Variants in EVL observed in about 807,000 individuals in gnomAD.
The protein encoded by EVL is Enah/Vasp-like.
EVL carries 21 observed loss-of-function variants against 59.6 expected under a neutral mutation model. The observed-to-expected ratio is 0.35, with a 90% CI of 0.25 to 0.51. The LOEUF (loss-of-function observed/expected upper bound fraction) is 0.51. Ranked by LOEUF, EVL falls within the 20% of genes least tolerant of loss-of-function variation. The pLI, the probability that EVL is intolerant of heterozygous loss-of-function variation, is 0.97. For synonymous variants in EVL, 198 were observed against 203.5 expected (o/e 0.97, Z 0.23); for missense variants, 462 against 546.6 (o/e 0.85, Z 1.54).
At chr14:100,096,777 A>G (rs928135279) in intron 2 of EVL, among the ~76,000 whole-genome samples, 4 of 152,204 alleles carry the variant, frequency 2.6e-5, no homozygotes, top group African/African-American at 9.7e-5. Flanking sequence ...GCAGCTTGTA[A>G]GCACCTGAAT....
At chr14:100,024,711 G>A (rs1233399678) in intron 1 of EVL, among the ~76,000 whole-genome samples, 2 of 152,014 alleles carry the variant, frequency 1.3e-5, no homozygotes, top group Non-Finnish European at 2.9e-5. Flanking sequence ...TGAAAACACA[G>A]TCCACATCAG....
At chr14:100,088,205 A>G (rs2062487768) in intron 2 of EVL, among the ~76,000 whole-genome samples, 1 of 152,220 alleles carries the variant, frequency 6.6e-6, no homozygotes. Flanking sequence ...AGAGACTTGG[A>G]TGAGATGAGA....
intron 1 of EVL, among the ~76,000 whole-genome samples, chr14:100,068,147 G>A (rs991608512): frequency 1.3e-5 from 2 of 152,112 alleles, no homozygotes; most frequent in African/African-American, 4.8e-5. Flanking sequence ...AGAGTGACTG[G>A]GCCACGCCTT....
chr14:100,082,571 GTAAGT>G (rs1343697989), intron 1 of EVL, among the ~76,000 whole-genome samples: 1 of 152,244 alleles, frequency 6.6e-6, no homozygotes, highest in East Asian at 1.9e-4. Flanking sequence ...TTGGAGAGTA[GTAAGT>G]TAAGTTTCCC....
At chr14:100,071,923 C>T (rs2062056367) in intron 1 of EVL, among the ~76,000 whole-genome samples, 1 of 152,130 alleles carries the variant, frequency 6.6e-6, no homozygotes, top group Admixed American at 6.5e-5. Context: ...TAGCATGAAA[C>T]CTGTTTCACA....
At chr14:100,019,465 T>G in intron 1 of EVL, 1 of 542,226 alleles carries the variant, frequency 1.8e-6, no homozygotes, top group Non-Finnish European at 3.2e-6. Flanking sequence ...GCCTCCCCTG[T>G]TAGCTGCCGC....
chr14:100,009,024 CAA>C (rs2061000447), intron 1 of EVL, among the ~76,000 whole-genome samples: 1 of 152,202 alleles, frequency 6.6e-6, no homozygotes, highest in Admixed American at 6.5e-5. Flanking sequence ...TTTGAGGAAA[CAA>C]AACACGTTTA....
At chr14:100,055,061 T>C (rs1323597891) in intron 1 of EVL, among the ~76,000 whole-genome samples, 1 of 152,060 alleles carries the variant, frequency 6.6e-6, no homozygotes, top group African/African-American at 2.4e-5. Context: ...TAGCTGGGCA[T>C]TGTGGTGCAT....
intron 2 of EVL, among the ~76,000 whole-genome samples, chr14:100,088,299 C>T (rs962206027): frequency 6.6e-6 from 1 of 152,214 alleles, no homozygotes; most frequent in African/African-American, 2.4e-5. Flanking sequence ...TCTCCACCAT[C>T]AAGCATCTTT....
At position 100,002,950 on chromosome 14, in the gene EVL, A is replaced by G. The variant is rs116003624; in HGVS notation, c.5+30893A>G. Among the ~76,000 whole-genome samples, 1,012 of 152,348 alleles carry G rather than the reference A, an allele frequency of 6.6e-3. 8 individuals carry two copies. Among genetic ancestry groups the G allele is most frequent in the African/African-American group, 0.023 (963 of 41,570 alleles). ...AATATTTTAATCTTGACCATAATAT[A>G]TAACTTCCATAAGCCTTTTATAACC... On this transcript the variant is annotated intron_variant, in intron 1 of 13. Coordinates refer to the EVL transcript ENST00000402714.
chr14:99,989,895 G>A (rs574728773), intron 1 of EVL, among the ~76,000 whole-genome samples: 25 of 152,248 alleles, frequency 1.6e-4, no homozygotes, highest in African/African-American at 5.8e-4. Flanking sequence ...GGATTATGAG[G>A]CAATTTATTG....
chr14:100,041,125 G>T (rs1247879169), intron 1 of EVL, among the ~76,000 whole-genome samples: 29 of 152,258 alleles, frequency 1.9e-4, no homozygotes, highest in Non-Finnish European at 1.0e-4. Flanking sequence ...TATGGTTATT[G>T]TTAACAATAA....
chr14:100,028,530 C>T (rs894732725), intron 1 of EVL, among the ~76,000 whole-genome samples: 3 of 152,002 alleles, frequency 2.0e-5, no homozygotes, highest in East Asian at 1.9e-4. Context: ...AACAATCTAT[C>T]GGCCGGGCGC....
chr14:100,098,806 G>C (rs1239530391), intron 3 of EVL, among the ~76,000 whole-genome samples: 1 of 152,212 alleles, frequency 6.6e-6, no homozygotes, highest in African/African-American at 2.4e-5. Context: ...TCTTGAGCAA[G>C]TTACTGAATG....
At chr14:100,101,412 C>T (rs1032137233) in intron 3 of EVL, among the ~76,000 whole-genome samples, 3 of 152,124 alleles carry the variant, frequency 2.0e-5, no homozygotes, top group East Asian at 3.9e-4. Context: ...ACCCAGGGGG[C>T]GGGATTACGG....
intron 9 of EVL, among the ~76,000 whole-genome samples, chr14:100,136,720 T>G (rs2140400681): frequency 6.6e-6 from 1 of 152,284 alleles, no homozygotes; most frequent in South Asian, 2.1e-4. Flanking sequence ...CCTCTCCTCC[T>G]AAGATTTTTG....
At position 100,125,223 on chromosome 14, in the gene EVL, GAC is replaced by G. The variant is rs113347883; in HGVS notation, c.423-1473_423-1472del. ...GCCCCAAGACGGGATCACACACACAGACACACACACACCTGCCCCAAGGCAGG... is the reference window on the plus strand; with the variant it reads ...GCCCCAAGACGGGATCACACACACAGACACACACACCTGCCCCAAGGCAGG... On this transcript the variant is annotated intron_variant, in intron 4 of 13. Transcript: ENST00000392920. 2.2e-4 allele frequency among the ~76,000 whole-genome samples: 9 copies of G among 41,038 alleles called. 1 individual carries two copies. The highest frequency in any genetic ancestry group is 3.1e-4 in the Non-Finnish European group (6 of 19,562). The allele number at this position is 41,038 out of a possible 152,430, so 26.9% of individuals were successfully genotyped here. A position where few individuals can be genotyped will look rare whatever the true frequency, so the allele number is the denominator to read the frequency against.
intron 1 of EVL, chr14:99,978,087 A>G (rs1595536965): frequency 7.6e-6 from 1 of 131,968 alleles, no homozygotes; most frequent in South Asian, 2.3e-4. Flanking sequence ...ACAGAGCGAG[A>G]CTCTGTCTCA....
chr14:100,067,443 A>G (rs902087784), intron 1 of EVL, among the ~76,000 whole-genome samples: 4 of 152,178 alleles, frequency 2.6e-5, no homozygotes, highest in African/African-American at 9.7e-5. Context: ...CACTGACGTT[A>G]TTTAGTTATC....
Sources: allele counts gnomAD v4.1 joint callset (sites outside exome capture counted in the v4.1 genomes callset), GRCh38; gene constraint gnomAD v4.1.1; transcripts MANE v1.5; gene names NCBI Gene and HGNC (gene_info 2026-07-23, HGNC 2026-07-21).